The following DLG2 variants were observed in gnomAD, a reference collection of about 807,000 sequenced individuals.
The protein encoded by DLG2 is discs large MAGUK scaffold protein 2.
Under a neutral mutation model 132.5 loss-of-function variants are expected in DLG2, and 45 were observed. The observed-to-expected ratio is 0.34, with a 90% CI of 0.27 to 0.44. The LOEUF is 0.44. Among genes scored for constraint, DLG2 ranks in the 20% least tolerant of loss-of-function variants. DLG2 has a pLI of 1.00. For missense variants in DLG2, 1,045 were observed against 1,196.9 expected, an observed-to-expected ratio of 0.87 and a Z score of 1.87; for synonymous variants, 424 against 419.6, an observed-to-expected ratio of 1.01 and a Z score of -0.13.
intron 21 of DLG2, among the ~76,000 whole-genome samples, chr11:83,520,695 G>GATAGATAGGTAGA: frequency 6.7e-6 from 1 of 149,152 alleles, no homozygotes; most frequent in South Asian, 2.2e-4. Flanking sequence ...AAGTAGGTAG[G>GATAGATAGGTAGA]TAGATAGATA....
intron 11 of DLG2, among the ~76,000 whole-genome samples, chr11:83,999,027 T>C (rs560226796): frequency 6.6e-6 from 1 of 152,218 alleles, no homozygotes; most frequent in South Asian, 2.1e-4. Flanking sequence ...ATGAGTGATG[T>C]AAACATTCCC....
At chr11:83,924,817 T>A (rs931254868) in intron 15 of DLG2, among the ~76,000 whole-genome samples, 1 of 152,018 alleles carries the variant, frequency 6.6e-6, no homozygotes. Context: ...TCTACAAAGG[T>A]GGTAAATTAT....
chr11:83,730,506 C>A (rs2090820049), intron 18 of DLG2, among the ~76,000 whole-genome samples: 1 of 152,120 alleles, frequency 6.6e-6, no homozygotes, highest in Non-Finnish European at 1.5e-5. Context: ...TTCCTAAAAG[C>A]AGCACATAGA....
At chr11:83,617,987 A>G (rs935592824) in intron 19 of DLG2, among the ~76,000 whole-genome samples, 2 of 152,038 alleles carry the variant, frequency 1.3e-5, no homozygotes, top group African/African-American at 4.8e-5. Context: ...ATGGAGTGAG[A>G]CTCTGTCTCA....
intron 3 of DLG2, among the ~76,000 whole-genome samples, chr11:85,419,251 C>T (rs933812823): frequency 6.6e-6 from 1 of 152,162 alleles, no homozygotes; most frequent in Non-Finnish European, 1.5e-5. Context: ...AATATTGGCA[C>T]CCACTCTCTT....
At chr11:83,978,999 CT>C (rs1555222778) in intron 12 of DLG2, among the ~76,000 whole-genome samples, 6 of 152,006 alleles carry the variant, frequency 3.9e-5, no homozygotes, top group South Asian at 2.1e-4. Context: ...CATCTCAATT[CT>C]TTTTTGCTTA....
chr11:84,891,297 A>G (rs978456669), intron 6 of DLG2, among the ~76,000 whole-genome samples: 1 of 152,206 alleles, frequency 6.6e-6, no homozygotes, highest in African/African-American at 2.4e-5. Context: ...AATATAAAAT[A>G]ACAGCAGCTT....
At chr11:83,924,049 A>G (rs1426926547) in intron 15 of DLG2, among the ~76,000 whole-genome samples, 1 of 152,058 alleles carries the variant, frequency 6.6e-6, no homozygotes, top group Non-Finnish European at 1.5e-5. Context: ...GCCTTTATAT[A>G]ACACGATGCT....
chr11:85,171,721 C>G (rs1566964857), intron 4 of DLG2, among the ~76,000 whole-genome samples: 1 of 152,218 alleles, frequency 6.6e-6, no homozygotes, highest in Non-Finnish European at 1.5e-5. Context: ...GACCAAGTTC[C>G]TGGGGGGAAG....
intron 3 of DLG2, among the ~76,000 whole-genome samples, chr11:85,430,053 T>C (rs1265080742): frequency 6.6e-6 from 1 of 152,090 alleles, no homozygotes; most frequent in Non-Finnish European, 1.5e-5. Context: ...TTCATGTCCT[T>C]TGTAAGGACA....
chr11:85,617,099 GAA>G (rs2081389215), intron 2 of DLG2, among the ~76,000 whole-genome samples: 1 of 152,176 alleles, frequency 6.6e-6, no homozygotes, highest in African/African-American at 2.4e-5. Context: ...GTGAATTACA[GAA>G]AATAAATGGA....
chr11:83,752,484 G>C (rs997153840), intron 18 of DLG2, among the ~76,000 whole-genome samples: 4 of 152,164 alleles, frequency 2.6e-5, no homozygotes, highest in Non-Finnish European at 4.4e-5. Flanking sequence ...GCTGCTGATG[G>C]AGAAATATGG....
chr11:84,034,647 G>A (rs2095811289), intron 11 of DLG2, among the ~76,000 whole-genome samples: 1 of 152,118 alleles, frequency 6.6e-6, no homozygotes, highest in African/African-American at 2.4e-5. Flanking sequence ...TTCATCTAAA[G>A]GCTGAAATGC....
At chr11:84,085,358 T>C (rs974411381) in intron 10 of DLG2, among the ~76,000 whole-genome samples, 1 of 152,218 alleles carries the variant, frequency 6.6e-6, no homozygotes, top group Non-Finnish European at 1.5e-5. Flanking sequence ...AACATGTGTC[T>C]GGAGAGACTA....
chr11:84,851,903 T>C (rs1218025533), intron 6 of DLG2, among the ~76,000 whole-genome samples: 1 of 151,900 alleles, frequency 6.6e-6, no homozygotes, highest in East Asian at 1.9e-4. Context: ...TAAGTAAACA[T>C]GAAGTAAAAT....
intron 6 of DLG2, among the ~76,000 whole-genome samples, chr11:84,722,264 T>C (rs988082986): frequency 6.6e-6 from 1 of 152,128 alleles, no homozygotes; most frequent in Non-Finnish European, 1.5e-5. Flanking sequence ...AGGAACAACA[T>C]AGTCAAAAGT....
chr11:85,260,812 T>C (rs1595773245), intron 4 of DLG2, among the ~76,000 whole-genome samples: 1 of 152,250 alleles, frequency 6.6e-6, no homozygotes, highest in East Asian at 1.9e-4. Flanking sequence ...AGCAGAACAA[T>C]CACTTTTTTA....
At position 84,648,616 on chromosome 11, in the gene DLG2, G is replaced by A. The variant is rs187929700; in HGVS notation, c.358-113885C>T. Among the ~76,000 whole-genome samples the A allele has an allele frequency of 1.9e-3, 296 of 152,180 alleles. 1 individual carries two copies. The highest frequency in any genetic ancestry group is 3.6e-3 in the Non-Finnish European group (245 of 68,008). Reference sequence around the variant, plus strand: ...TAGGTTGGATCGCTCATGCACTGCTGGGTGCCTTCCTTTTGGTAATTAGTG... The same window carrying A: ...TAGGTTGGATCGCTCATGCACTGCTAGGTGCCTTCCTTTTGGTAATTAGTG... On this transcript the variant is annotated intron_variant, in intron 6 of 27. Transcript: ENST00000376104.
intron 6 of DLG2, among the ~76,000 whole-genome samples, chr11:84,702,725 C>T (rs78023863): frequency 0.015 from 2,250 of 151,626 alleles, 62 homozygotes; most frequent in African/African-American, 0.051. Context: ...CTTATATACA[C>T]GATCTCCTAT....
Sources: allele counts gnomAD v4.1 joint callset (sites outside exome capture counted in the v4.1 genomes callset), GRCh38; gene constraint gnomAD v4.1.1; transcripts MANE v1.5; gene names NCBI Gene and HGNC (gene_info 2026-07-23, HGNC 2026-07-21).